Variants in MBTD1 observed in about 807,000 individuals in gnomAD.
MBTD1 encodes the protein MBT domain-containing protein 1.
In MBTD1, 24 loss-of-function variants were observed where a neutral mutation model predicts 87.8. The observed-to-expected ratio is 0.27, with a 90% confidence interval of 0.20 to 0.38. The LOEUF is 0.38. Among genes scored for constraint, MBTD1 ranks in the 10% least tolerant of loss-of-function variants. The pLI is 1.00. For synonymous variants in MBTD1, 237 were observed against 248.6 expected, an observed-to-expected ratio of 0.95 and a Z score of 0.44; for missense variants, 436 against 760.2, an observed-to-expected ratio of 0.57 and a Z score of 5.02.
At chr17:51,245,057 C>T (rs1023022309) in intron 2 of MBTD1, among the ~76,000 whole-genome samples, 6 of 152,094 alleles carry the variant, frequency 3.9e-5, no homozygotes, top group African/African-American at 7.2e-5. Context: ...TGTGCCACCA[C>T]GCCCGGCTAA....
intron 4 of MBTD1, among the ~76,000 whole-genome samples, chr17:51,219,637 A>G (rs2052772168): frequency 6.6e-6 from 1 of 152,206 alleles, no homozygotes; most frequent in South Asian, 2.1e-4. Flanking sequence ...GAGGATTTAA[A>G]TAACCCTTTC....
At chr17:51,188,301 T>C (rs2050639208) in intron 16 of MBTD1, among the ~76,000 whole-genome samples, 2 of 152,186 alleles carry the variant, frequency 1.3e-5, no homozygotes, top group African/African-American at 2.4e-5. Flanking sequence ...GGCAGAACCT[T>C]ATACTTATTC....
At chr17:51,227,526 A>C (rs2053300032) in intron 2 of MBTD1, among the ~76,000 whole-genome samples, 1 of 152,074 alleles carries the variant, frequency 6.6e-6, no homozygotes, top group Non-Finnish European at 1.5e-5. Context: ...GTGCCCCTGC[A>C]CTTCAGCTTG....
At chr17:51,238,604 G>A (rs2053985863) in intron 2 of MBTD1, among the ~76,000 whole-genome samples, 1 of 152,182 alleles carries the variant, frequency 6.6e-6, no homozygotes, top group Non-Finnish European at 1.5e-5. Context: ...GAATCTTTGT[G>A]TTTGGAGCTT....
intron 12 of MBTD1, among the ~76,000 whole-genome samples, chr17:51,195,979 C>T (rs2051077958): frequency 1.3e-5 from 2 of 152,182 alleles, no homozygotes; most frequent in South Asian, 4.1e-4. Context: ...GCGAACATGG[C>T]CCACTGCAGC....
intron 2 of MBTD1, among the ~76,000 whole-genome samples, chr17:51,247,642 T>C (rs1258571117): frequency 6.6e-6 from 1 of 152,088 alleles, no homozygotes; most frequent in East Asian, 1.9e-4. Context: ...AGAGATCAAG[T>C]CTCACTACAA....
chr17:51,187,716 G>C (rs1016353478), intron 16 of MBTD1, among the ~76,000 whole-genome samples: 1 of 152,016 alleles, frequency 6.6e-6, no homozygotes, highest in African/African-American at 2.4e-5. Flanking sequence ...CGTAAGTAGT[G>C]GTGCACACCT....
intron 2 of MBTD1, among the ~76,000 whole-genome samples, chr17:51,253,263 T>C (rs1054881366): frequency 2.0e-5 from 3 of 152,178 alleles, no homozygotes; most frequent in African/African-American, 7.2e-5. Context: ...TGACATTACA[T>C]ATGAAAACTT....
Position 51,247,348 on chromosome 17 carries a change from G to C in MBTD1, c.-49+11795C>G, listed in dbSNP as rs140404068. Among the ~76,000 whole-genome samples the C allele has an allele frequency of 2.2e-3, 330 of 151,930 alleles. 2 individuals are homozygous for C. The highest frequency in any genetic ancestry group is 3.3e-3 in the Non-Finnish European group (224 of 67,986). The stretch of plus-strand genomic sequence containing the variant: ...TTTTTGTAATATAGTGTGAGAGACT[G>C]CACAGTAATAGTTTTTCATTAGTAT... On this transcript the variant is annotated intron_variant, in intron 2 of 16. Transcript: ENST00000586178.
intron 2 of MBTD1, chr17:51,250,092 A>G (rs1014541263): frequency 1.0e-4 from 15 of 147,920 alleles, no homozygotes; most frequent in African/African-American, 3.8e-4. Flanking sequence ...TTTTGTAGAG[A>G]CTGGGTCTCA....
chr17:51,243,787 G>T (rs1012547931), intron 2 of MBTD1, among the ~76,000 whole-genome samples: 1 of 152,142 alleles, frequency 6.6e-6, no homozygotes, highest in Non-Finnish European at 1.5e-5. Context: ...ACAGCCTCCT[G>T]AGTAGCTGGG....
chr17:51,197,672 T>C (rs1171553629), intron 12 of MBTD1, among the ~76,000 whole-genome samples: 3 of 152,000 alleles, frequency 2.0e-5, no homozygotes, highest in Non-Finnish European at 4.4e-5. Context: ...ACTCAGCTAA[T>C]TTTTGTAGAG....
At chr17:51,250,946 CTTCA>C (rs2054743083) in intron 2 of MBTD1, 1 of 152,180 alleles carries the variant, frequency 6.6e-6, no homozygotes, top group African/African-American at 2.4e-5. Context: ...AATGTTAAAA[CTTCA>C]TTATTGGTTA....
At chr17:51,207,031 T>G (rs760922744) in intron 6 of MBTD1, 26 bp from the exon 7 acceptor site, 21 of 1,302,110 alleles carry the variant, frequency 1.6e-5, no homozygotes, top group Non-Finnish European at 2.3e-5. Flanking sequence ...CATTAAATTA[T>G]TGTCTTATTA....
rs58720477 is a variant in MBTD1 at position 51,247,441 on chromosome 17, C to CTT, written c.-49+11700_-49+11701dup. ...TGATCAGGCTAAGAAATCAGTATTA[C>CTT]TTTTTTTTTTTTTTTTTTTTTTGGA... On this transcript the variant is annotated intron_variant, in intron 2 of 16. Transcript: ENST00000586178. Among the ~76,000 whole-genome samples, 662 of 131,874 alleles carry CTT rather than the reference C, an allele frequency of 5.0e-3. 9 individuals are homozygous for CTT. Among genetic ancestry groups the CTT allele is most frequent in the African/African-American group, 0.014 (461 of 33,708 alleles). 86.5% of individuals were successfully genotyped at this position (131,874 alleles called of 152,430 possible).
intron 7 of MBTD1, 95 bp downstream of exon 7, chr17:51,206,793 T>C: frequency 2.5e-6 from 2 of 804,078 alleles, no homozygotes; most frequent in Non-Finnish European, 4.1e-6. Flanking sequence ...TATTTTTTAT[T>C]TGGCAATACT....
intron 6 of MBTD1, among the ~76,000 whole-genome samples, chr17:51,213,192 C>T (rs2052358224): frequency 6.6e-6 from 1 of 152,026 alleles, no homozygotes; most frequent in African/African-American, 2.4e-5. Context: ...GCATGTGCCA[C>T]CATGCCCAGC....
chr17:51,207,258 A>G (rs1386793044), intron 6 of MBTD1, among the ~76,000 whole-genome samples: 1 of 152,192 alleles, frequency 6.6e-6, no homozygotes, highest in East Asian at 1.9e-4. Context: ...AGATTTAAGC[A>G]GCGATTTTTC....
intron 2 of MBTD1, among the ~76,000 whole-genome samples, chr17:51,239,614 C>A (rs1438400273): frequency 6.6e-6 from 1 of 152,054 alleles, no homozygotes; most frequent in Non-Finnish European, 1.5e-5. Flanking sequence ...TTACTTTGGG[C>A]CAGAAAATGC....
Sources: allele counts gnomAD v4.1 joint callset (sites outside exome capture counted in the v4.1 genomes callset), GRCh38; gene constraint gnomAD v4.1.1; transcripts MANE v1.5; gene names NCBI Gene and HGNC (gene_info 2026-07-23, HGNC 2026-07-21).